The following WIF1 variants were observed in gnomAD, a reference collection of about 807,000 sequenced individuals.
WIF1 encodes Wnt inhibitory factor 1.
In WIF1, 35 loss-of-function variants were observed where a neutral mutation model predicts 53.5. The observed-to-expected ratio is 0.65, with a 90% CI of 0.50 to 0.87. WIF1 has a LOEUF of 0.87. Among genes scored for constraint, WIF1 ranks in the 40% least tolerant of loss-of-function variants. The pLI is 0.00. For synonymous variants in WIF1, 171 were observed against 170.4 expected (o/e 1.00, Z -0.03); for missense variants, 467 against 476.8 (o/e 0.98, Z 0.19).
intron 3 of WIF1, among the ~76,000 whole-genome samples, chr12:65,073,389 G>A (rs1882812067): frequency 6.6e-6 from 1 of 152,128 alleles, no homozygotes; most frequent in Admixed American, 6.5e-5. Flanking sequence ...AAACACCACT[G>A]CTCTGTTGGT....
At chr12:65,105,683 C>A (rs1883341526) in intron 2 of WIF1, among the ~76,000 whole-genome samples, 1 of 152,068 alleles carries the variant, frequency 6.6e-6, no homozygotes, top group South Asian at 2.1e-4. Context: ...GGAAACTAAT[C>A]CAGTCTCACG....
chr12:65,118,981 C>T lies in WIF1; in HGVS notation c.288+1436G>A, dbSNP rs556123813. On this transcript the variant is annotated intron_variant, in intron 2 of 9. Transcript: ENST00000286574. ...AGATGGAAGGGTGCAGTTCAAACTG[C>T]CTTTTATTGATTCTTACGAACCCAT... 7.2e-5 allele frequency among the ~76,000 whole-genome samples: 11 copies of T among 152,168 alleles called. No homozygotes were observed. In the South Asian group the frequency reaches 1.9e-3, roughly 26 times the overall value.
intron 7 of WIF1, 27 bp downstream of exon 7, chr12:65,062,453 CA>C: frequency 6.3e-7 from 1 of 1,584,466 alleles, no homozygotes; most frequent in Admixed American, 1.7e-5. Context: ...CTCCCCAAGT[CA>C]AAAGAACGCA....
At chr12:65,115,421 G>A (rs1408587305) in intron 2 of WIF1, among the ~76,000 whole-genome samples, 1 of 152,082 alleles carries the variant, frequency 6.6e-6, no homozygotes, top group Admixed American at 6.5e-5. Context: ...ATTCTGATTT[G>A]TCTAACAAAA....
At chr12:65,119,568 A>G (rs1440746377) in intron 2 of WIF1, among the ~76,000 whole-genome samples, 1 of 151,990 alleles carries the variant, frequency 6.6e-6, no homozygotes, top group Non-Finnish European at 1.5e-5. Context: ...ACTTTAGAAT[A>G]AAAGACCGAA....
intron 2 of WIF1, among the ~76,000 whole-genome samples, chr12:65,100,187 A>G (rs1565758808): frequency 6.6e-6 from 1 of 152,188 alleles, no homozygotes; most frequent in Non-Finnish European, 1.5e-5. Flanking sequence ...CTAGTTTTGT[A>G]TTTGTAGGCT....
intron 6 of WIF1, among the ~76,000 whole-genome samples, chr12:65,065,904 TG>T (rs1882680271): frequency 6.6e-6 from 1 of 152,170 alleles, no homozygotes; most frequent in Admixed American, 6.5e-5. Context: ...AATCTGGCTG[TG>T]TTGCTGCAAT....
At chr12:65,075,425 T>A (rs1429519183) in intron 3 of WIF1, among the ~76,000 whole-genome samples, 1 of 152,180 alleles carries the variant, frequency 6.6e-6, no homozygotes, top group Non-Finnish European at 1.5e-5. Context: ...AAGACTAAAT[T>A]TTTTTTAAAA....
intron 2 of WIF1, among the ~76,000 whole-genome samples, chr12:65,116,243 G>T (rs1336361292): frequency 6.6e-6 from 1 of 152,158 alleles, no homozygotes; most frequent in Non-Finnish European, 1.5e-5. Context: ...CTGGTCCATG[G>T]CCTGTTAGGA....
In WIF1 at chr12:65,083,327, G is replaced by T. The variant is rs571957265; in HGVS notation, c.289-5473C>A. On this transcript the variant is annotated intron_variant, in intron 2 of 9. Transcript: ENST00000286574. ...AACAAAACGAATAAGCATGCCCAAT[G>T]ATTAAAATAATCTGAATATCTAGAG... Among the ~76,000 whole-genome samples the T allele has an allele frequency of 8.5e-5, 13 of 152,242 alleles. No individual in the cohort carries two copies. The South Asian group carries it at 2.3e-3, about 27-fold the overall frequency.
intron 1 of WIF1, 25 bp downstream of exon 1, chr12:65,121,019 A>G: frequency 7.0e-7 from 1 of 1,437,468 alleles, no homozygotes; most frequent in Non-Finnish European, 9.2e-7. Context: ...TAGGCAGGGG[A>G]AGGCGCTGGA....
At chr12:65,060,565 T>G (rs1882597009) in intron 7 of WIF1, among the ~76,000 whole-genome samples, 1 of 152,202 alleles carries the variant, frequency 6.6e-6, no homozygotes, top group Admixed American at 6.5e-5. Context: ...GGGAGGTGAC[T>G]GCTAATAGGT....
intron 2 of WIF1, among the ~76,000 whole-genome samples, chr12:65,101,306 T>C (rs895124891): frequency 2.0e-5 from 3 of 152,214 alleles, no homozygotes; most frequent in African/African-American, 7.2e-5. Context: ...CTCAGTTGTT[T>C]GTAAAGAGCC....
intron 2 of WIF1, among the ~76,000 whole-genome samples, chr12:65,107,916 G>A (rs925291599): frequency 6.6e-6 from 1 of 152,148 alleles, no homozygotes; most frequent in Non-Finnish European, 1.5e-5. Context: ...CAAGCTGAAG[G>A]CCGACTATAG....
intron 3 of WIF1, among the ~76,000 whole-genome samples, chr12:65,074,845 A>G (rs1882836549): frequency 7.2e-6 from 1 of 139,400 alleles, no homozygotes; most frequent in Non-Finnish European, 1.6e-5. Flanking sequence ...AAAAGAAAAG[A>G]AAAAGAAAAT....
At chr12:65,117,039 T>A (rs1306767798) in intron 2 of WIF1, among the ~76,000 whole-genome samples, 1 of 151,624 alleles carries the variant, frequency 6.6e-6, no homozygotes, top group Non-Finnish European at 1.5e-5. Flanking sequence ...TGTATGAGAC[T>A]CTTCCCATGG....
intron 2 of WIF1, among the ~76,000 whole-genome samples, chr12:65,092,480 G>GTA (rs755570405): frequency 1.0e-4 from 11 of 105,540 alleles, no homozygotes; most frequent in Non-Finnish European, 1.9e-4. Context: ...GTGTGTGTGT[G>GTA]TATATATATG....
chr12:65,095,363 C>T (rs781373326), intron 2 of WIF1, among the ~76,000 whole-genome samples: 18 of 152,096 alleles, frequency 1.2e-4, no homozygotes, highest in African/African-American at 1.7e-4. Context: ...GCTCTACTGC[C>T]ACTACAGAGA....
chr12:65,101,371 C>A (rs1406379118), intron 2 of WIF1, among the ~76,000 whole-genome samples: 3 of 152,086 alleles, frequency 2.0e-5, no homozygotes, highest in Non-Finnish European at 2.9e-5. Flanking sequence ...TTGAGGAGGT[C>A]TTACAGGATA....
Sources: allele counts gnomAD v4.1 joint callset (sites outside exome capture counted in the v4.1 genomes callset), GRCh38; gene constraint gnomAD v4.1.1; transcripts MANE v1.5; gene names NCBI Gene and HGNC (gene_info 2026-07-23, HGNC 2026-07-21).